PRIM2: variants seen among roughly 807,000 people sequenced by gnomAD.
PRIM2 encodes DNA primase large subunit.
In PRIM2, 39 loss-of-function variants were observed where a neutral mutation model predicts 67.3. That is an observed-to-expected ratio of 0.58 (90% CI 0.45 to 0.76). The LOEUF is 0.76. Ranked by LOEUF, PRIM2 falls within the 30% of genes least tolerant of loss-of-function variation. The pLI, the probability that PRIM2 is intolerant of heterozygous loss-of-function variation, is 0.00. For missense variants in PRIM2, 398 were observed against 598.7 expected, an observed-to-expected ratio of 0.66 and a Z score of 3.50; for synonymous variants, 143 against 198.7, an observed-to-expected ratio of 0.72 and a Z score of 2.36.
intron 10 of PRIM2, among the ~76,000 whole-genome samples, chr6:57,547,469 G>A (rs1241679282): frequency 4.6e-5 from 7 of 152,216 alleles, no homozygotes; most frequent in Admixed American, 2.6e-4. Flanking sequence ...CCACTTATAC[G>A]TGACAGCATG....
intron 10 of PRIM2, among the ~76,000 whole-genome samples, chr6:57,575,005 T>C (rs1312139432): frequency 6.6e-6 from 1 of 152,180 alleles, no homozygotes; most frequent in Non-Finnish European, 1.5e-5. Context: ...TTCCTGGAGT[T>C]TGCATTCTCA....
At chr6:57,348,661 A>T (rs1177507929) in intron 5 of PRIM2, among the ~76,000 whole-genome samples, 1 of 151,632 alleles carries the variant, frequency 6.6e-6, no homozygotes, top group Non-Finnish European at 1.5e-5. Flanking sequence ...ACAGGTGTTT[A>T]GTAGACAGGA....
intron 7 of PRIM2, among the ~76,000 whole-genome samples, chr6:57,445,053 G>T (rs891671958): frequency 6.6e-6 from 1 of 152,166 alleles, no homozygotes; most frequent in African/African-American, 2.4e-5. Context: ...TTTGTGTTGT[G>T]TGATAGATAT....
At chr6:57,474,713 G>A (rs1773432866) in intron 7 of PRIM2, among the ~76,000 whole-genome samples, 1 of 152,016 alleles carries the variant, frequency 6.6e-6, no homozygotes, top group Non-Finnish European at 1.5e-5. Flanking sequence ...AAGAGGTGGG[G>A]GCCTTTAAGA....
chr6:57,530,701 T>A (rs1171956253), intron 8 of PRIM2, among the ~76,000 whole-genome samples: 54 of 151,968 alleles, frequency 3.6e-4, no homozygotes, highest in African/African-American at 1.3e-3. Flanking sequence ...GGAGGGGAAA[T>A]CTGTACCTTT....
At chr6:57,620,142 GC>G (rs1776825764) in intron 12 of PRIM2, among the ~76,000 whole-genome samples, 1 of 152,160 alleles carries the variant, frequency 6.6e-6, no homozygotes, top group South Asian at 2.1e-4. Context: ...GTTACAGTGA[GC>G]CAAGATCATG....
intron 12 of PRIM2, among the ~76,000 whole-genome samples, chr6:57,608,793 C>T (rs1263858186): frequency 2.0e-4 from 31 of 151,790 alleles, no homozygotes; most frequent in African/African-American, 7.3e-4. Flanking sequence ...TGTTCATTTC[C>T]TGGTTTAAGA....
chr6:57,355,442 A>G (rs1769001040), intron 5 of PRIM2, among the ~76,000 whole-genome samples: 1 of 152,214 alleles, frequency 6.6e-6, no homozygotes, highest in African/African-American at 2.4e-5. Context: ...GACAACAGGT[A>G]TGGGTCAGTG....
chr6:57,501,257 A>G (rs1293941589), intron 7 of PRIM2, among the ~76,000 whole-genome samples: 5 of 152,146 alleles, frequency 3.3e-5, no homozygotes, highest in African/African-American at 1.2e-4. Flanking sequence ...AGATTTTTCT[A>G]TATTTGAGTG....
At chr6:57,426,652 T>G (rs1293904828) in intron 7 of PRIM2, among the ~76,000 whole-genome samples, 1 of 152,232 alleles carries the variant, frequency 6.6e-6, no homozygotes, top group Non-Finnish European at 1.5e-5. Flanking sequence ...CAAGTTGTAT[T>G]TGCATTGCCG....
intron 7 of PRIM2, among the ~76,000 whole-genome samples, chr6:57,446,418 C>CTTTTTTTTTTTTTTTTT (rs397958660): frequency 0.055 from 4,560 of 83,258 alleles, 1,159 homozygotes; most frequent in Non-Finnish European, 0.07. Flanking sequence ...CACGCCACTT[C>CTTTTTTTTTTTTTTTTT]TTTTTTTTTT....
At chr6:57,502,237 C>T (rs1434179867) in intron 7 of PRIM2, among the ~76,000 whole-genome samples, 1 of 152,170 alleles carries the variant, frequency 6.6e-6, no homozygotes, top group East Asian at 1.9e-4. Flanking sequence ...TATGCCCCAT[C>T]TCTTGCTAAC....
chr6:57,291,135 C>G, the PRIM2 span, among the ~76,000 whole-genome samples: 1 of 152,162 alleles, frequency 6.6e-6, no homozygotes, highest in African/African-American at 2.4e-5. Flanking sequence ...AGAGAAGAAT[C>G]AAGTAGACAC....
At chr6:57,561,932 T>C (rs1775640552) in intron 10 of PRIM2, among the ~76,000 whole-genome samples, 1 of 152,116 alleles carries the variant, frequency 6.6e-6, no homozygotes, top group African/African-American at 2.4e-5. Context: ...GATGTGCGAG[T>C]CTTTTTTTCA....
At chr6:57,264,167 G>T in the PRIM2 span, among the ~76,000 whole-genome samples, 2 of 152,098 alleles carry the variant, frequency 1.3e-5, no homozygotes, top group South Asian at 4.1e-4. Flanking sequence ...CCATTTATTG[G>T]CTCTTTTTTC....
upstream of PRIM2, among the ~76,000 whole-genome samples, chr6:57,315,379 T>TTTGGAA (rs1419725277): frequency 1.3e-5 from 2 of 152,272 alleles, no homozygotes; most frequent in East Asian, 3.9e-4. Context: ...TTCTTAATCT[T>TTTGGAA]GATCTTCCAA....
chr6:57,469,411 AACAG>A (rs1441393999), intron 7 of PRIM2, among the ~76,000 whole-genome samples: 2 of 152,216 alleles, frequency 1.3e-5, no homozygotes, highest in African/African-American at 4.8e-5. Context: ...TTACAATGAG[AACAG>A]ACAGTGACAT....
intron 5 of PRIM2, among the ~76,000 whole-genome samples, chr6:57,357,919 A>T (rs1581824637): frequency 1.3e-5 from 2 of 152,148 alleles, no homozygotes; most frequent in Middle Eastern, 3.4e-3. Flanking sequence ...CTTGTACTTG[A>T]GGGTTATCAC....
intron 2 of PRIM2, 40 bp from the exon 3 acceptor site, chr6:57,320,417 A>G: frequency 7.2e-7 from 1 of 1,390,882 alleles, no homozygotes; most frequent in Non-Finnish European, 9.8e-7. Flanking sequence ...TTTAGTTTTA[A>G]AACATTATCT....
Sources: gnomAD v4.1 joint callset for allele counts (sites outside exome capture counted in the v4.1 genomes callset) on GRCh38, gnomAD v4.1.1 for gene constraint, MANE v1.5 for transcripts, NCBI Gene and HGNC (gene_info 2026-07-23, HGNC 2026-07-21) for gene names.